Variants in IMMP2L observed in about 807,000 individuals in gnomAD.
IMMP2L encodes the protein inner mitochondrial membrane peptidase subunit 2, also known as mitochondrial inner membrane protease subunit 2.
A neutral mutation model predicts 19.3 loss-of-function variants in IMMP2L; 18 were observed. The ratio of observed to expected loss-of-function variants is 0.93; its 90% CI spans 0.64 to 1.38. The LOEUF (loss-of-function observed/expected upper bound fraction) is 1.38. Ranked by LOEUF, IMMP2L falls within the 40% of genes most tolerant of loss-of-function variation. The pLI is 0.00. For missense variants in IMMP2L, 233 were observed against 218.2 expected (o/e 1.07, Z -0.43); for synonymous variants, 76 against 73.0 (o/e 1.04, Z -0.21).
At chr7:110,949,750 T>TA (rs1376955153) in intron 4 of IMMP2L, among the ~76,000 whole-genome samples, 1 of 151,978 alleles carries the variant, frequency 6.6e-6, no homozygotes, top group Non-Finnish European at 1.5e-5. Flanking sequence ...AAAAATATAT[T>TA]AAAAAAACAG....
At chr7:111,555,422 G>A (rs1468656824) in intron 1 of IMMP2L, among the ~76,000 whole-genome samples, 1 of 150,540 alleles carries the variant, frequency 6.6e-6, no homozygotes, top group Non-Finnish European at 1.5e-5. Context: ...AGCCGGGAAG[G>A]AGTAGGCAAA....
chr7:111,446,639 A>T (rs1290118153), intron 3 of IMMP2L, among the ~76,000 whole-genome samples: 3 of 152,200 alleles, frequency 2.0e-5, no homozygotes, highest in African/African-American at 7.2e-5. Flanking sequence ...AAACTCTAAA[A>T]CACAGAGCGC....
At chr7:111,008,647 T>TAA (rs80263764) in intron 3 of IMMP2L, among the ~76,000 whole-genome samples, 1 of 147,300 alleles carries the variant, frequency 6.8e-6, no homozygotes, top group African/African-American at 2.5e-5. Context: ...TGCCCCCTAT[T>TAA]AAAAAAAAAA....
Position 110,757,627 on chromosome 7 carries a change from C to A in IMMP2L, c.409-93906G>T, listed in dbSNP as rs565862940. On this transcript the variant is annotated intron_variant, in intron 5 of 5. Coordinates refer to ENST00000405709, the MANE Select transcript of IMMP2L (RefSeq NM_032549.4). This position sits in a 1 kb window ranked among gnomAD's most constrained non-coding sequence, Gnocchi z 4.2. ...GCCTGTCTACCCATATCTCATATAC[C>A]GGGTTCTATAAGTGCTCCCAGCCCT... is the stretch of plus-strand genomic sequence containing the variant. 6.6e-6 allele frequency among the ~76,000 whole-genome samples: 1 copy of A among 152,044 alleles called. No homozygotes were observed. The highest frequency in any genetic ancestry group is 1.5e-5 in the Non-Finnish European group (1 of 68,008).
chr7:110,770,799 G>C (rs1798982816), intron 5 of IMMP2L, among the ~76,000 whole-genome samples: 1 of 152,174 alleles, frequency 6.6e-6, no homozygotes, highest in Non-Finnish European at 1.5e-5. Context: ...TGGGACGTCT[G>C]ACCTTCTATG....
rs1207324655 is a variant in IMMP2L, at chr7:111,288,036, G to A, written c.239+199202C>T. 3.3e-5 allele frequency among the ~76,000 whole-genome samples: 5 copies of A among 152,118 alleles called. No homozygotes were observed. In the East Asian group the frequency reaches 7.7e-4, roughly 23 times the overall value. ...AAAATTACCAACATTACATTTCTAA[G>A]AGTCACATGACGATTCTCTTGTAAT... On this transcript the variant is annotated intron_variant, in intron 3 of 5. Transcript: ENST00000405709.
intron 3 of IMMP2L, among the ~76,000 whole-genome samples, chr7:111,447,592 G>A (rs1307874691): frequency 9.3e-5 from 14 of 150,024 alleles, no homozygotes; most frequent in African/African-American, 2.2e-4. Flanking sequence ...GGTACCAGCC[G>A]CTGCAAAATC....
intron 3 of IMMP2L, among the ~76,000 whole-genome samples, chr7:111,292,150 C>CT (rs1821181530): frequency 6.6e-6 from 1 of 152,152 alleles, no homozygotes; most frequent in South Asian, 2.1e-4. Flanking sequence ...GCCTCTGTGT[C>CT]TATGATTTCA....
intron 3 of IMMP2L, among the ~76,000 whole-genome samples, chr7:111,241,057 T>G (rs1256486947): frequency 6.6e-6 from 1 of 151,912 alleles, no homozygotes; most frequent in Non-Finnish European, 1.5e-5. Flanking sequence ...TCGGAAAACC[T>G]TTAAGATAAC....
chr7:111,059,068 T>A (rs1793774700), intron 3 of IMMP2L, among the ~76,000 whole-genome samples: 1 of 152,038 alleles, frequency 6.6e-6, no homozygotes, highest in African/African-American at 2.4e-5. Context: ...CTGCAACTTT[T>A]GCCTCCCGGG....
chr7:111,377,371 C>G (rs925506717), intron 3 of IMMP2L, among the ~76,000 whole-genome samples: 15 of 151,664 alleles, frequency 9.9e-5, no homozygotes, highest in African/African-American at 3.6e-4. Flanking sequence ...GTATAGTATC[C>G]CTCTATACTA....
intron 3 of IMMP2L, among the ~76,000 whole-genome samples, chr7:111,438,218 C>T (rs1837375414): frequency 6.6e-6 from 1 of 151,662 alleles, no homozygotes; most frequent in African/African-American, 2.4e-5. Context: ...AAATTGTTTA[C>T]TATTAGACAC....
intron 3 of IMMP2L, among the ~76,000 whole-genome samples, chr7:111,019,119 T>C (rs935425267): frequency 1.3e-5 from 2 of 152,116 alleles, no homozygotes; most frequent in Admixed American, 6.6e-5. Flanking sequence ...TCTGAGCACC[T>C]AGCATAGTGT....
chr7:111,276,274 C>T (rs545158231), intron 3 of IMMP2L, among the ~76,000 whole-genome samples: 1 of 152,126 alleles, frequency 6.6e-6, no homozygotes, highest in East Asian at 1.9e-4. Flanking sequence ...ATCGAAGCAT[C>T]CTTGCATCCT....
chr7:111,222,347 T>G (rs1018870644), intron 3 of IMMP2L, among the ~76,000 whole-genome samples: 2 of 151,680 alleles, frequency 1.3e-5, no homozygotes, highest in Non-Finnish European at 2.9e-5. Context: ...ACATAGAAAT[T>G]AAAATTTTTG....
intron 5 of IMMP2L, among the ~76,000 whole-genome samples, chr7:110,882,287 GC>G: frequency 8.2e-6 from 1 of 122,068 alleles, no homozygotes; most frequent in Non-Finnish European, 1.7e-5. Context: ...TTTGTCAAGT[GC>G]CTTCCTTCCT....
intron 5 of IMMP2L, among the ~76,000 whole-genome samples, chr7:110,865,136 T>G (rs951178975): frequency 1.3e-5 from 2 of 152,070 alleles, no homozygotes; most frequent in Admixed American, 6.6e-5. Flanking sequence ...TTTTCTGTAT[T>G]ATTTGTAAAA....
In IMMP2L at chr7:111,403,745, C is replaced by T. The variant is rs560624305; in HGVS notation, c.239+83493G>A. On this transcript the variant is annotated intron_variant, in intron 3 of 5. Transcript: ENST00000405709. ...AATATTTTTTGGGTTGTAAAGAATCCTGCAGAGGATTGTGAAAGGGTAGAA... is the reference window on the plus strand; with the variant it reads ...AATATTTTTTGGGTTGTAAAGAATCTTGCAGAGGATTGTGAAAGGGTAGAA... Among the ~76,000 whole-genome samples the T allele has an allele frequency of 2.6e-5, 4 of 152,134 alleles. No individual in the cohort carries two copies. The South Asian group carries it at 8.3e-4, about 32-fold the overall frequency.
intron 3 of IMMP2L, among the ~76,000 whole-genome samples, chr7:111,102,868 T>A (rs146763751): frequency 6.6e-6 from 1 of 151,688 alleles, no homozygotes; most frequent in Non-Finnish European, 1.5e-5. Context: ...TTTGAAATTA[T>A]AAATCTCATT....
Sources: allele counts gnomAD v4.1 joint callset (sites outside exome capture counted in the v4.1 genomes callset), GRCh38; gene constraint gnomAD v4.1.1; non-coding constraint Gnocchi (gnomAD v3.1); transcripts MANE v1.5; gene names NCBI Gene and HGNC (gene_info 2026-07-23, HGNC 2026-07-21).